Variants in ARFIP1 observed in about 807,000 individuals in gnomAD.
ARFIP1 encodes ARF interacting protein 1, also known as arfaptin-1.
ARFIP1 carries 24 observed loss-of-function variants against 42.5 expected under a neutral mutation model. That is an observed-to-expected ratio of 0.57 (90% CI 0.41 to 0.80). ARFIP1 has a LOEUF of 0.80. Among genes scored for constraint, ARFIP1 ranks in the 30% least tolerant of loss-of-function variants. The probability of loss-of-function intolerance (pLI) is 0.00; values close to 1 mark genes in which losing one functional copy is unlikely to be tolerated. For synonymous variants in ARFIP1, 141 were observed against 153.7 expected (o/e 0.92, Z 0.61); for missense variants, 354 against 434.0 (o/e 0.82, Z 1.64).
chr4:152,821,695 G>A (rs995656988), intron 1 of ARFIP1, among the ~76,000 whole-genome samples: 1 of 152,152 alleles, frequency 6.6e-6, no homozygotes, highest in African/African-American at 2.4e-5. Flanking sequence ...TAGTCATCAG[G>A]CTATCTAAAG....
intron 2 of ARFIP1, among the ~76,000 whole-genome samples, chr4:152,858,034 G>T (rs1034910069): frequency 3.3e-5 from 5 of 152,196 alleles, no homozygotes; most frequent in Non-Finnish European, 7.3e-5. Context: ...GGTCACACCT[G>T]CAATTCCGCC....
intron 1 of ARFIP1, among the ~76,000 whole-genome samples, chr4:152,819,885 G>T (rs1310919357): frequency 6.6e-6 from 1 of 152,098 alleles, no homozygotes; most frequent in Non-Finnish European, 1.5e-5. Context: ...CTCATTGCGG[G>T]TGCCTCTTTA....
At chr4:152,799,916 G>A (rs1397485872) in intron 1 of ARFIP1, among the ~76,000 whole-genome samples, 2 of 152,148 alleles carry the variant, frequency 1.3e-5, no homozygotes. Context: ...TGCTCAATAG[G>A]GAGTTAAGTC....
intron 3 of ARFIP1, among the ~76,000 whole-genome samples, chr4:152,868,489 A>G (rs1734598301): frequency 6.6e-6 from 1 of 152,192 alleles, no homozygotes; most frequent in East Asian, 1.9e-4. Flanking sequence ...AAAGATACAG[A>G]AAAGTGATAA....
At position 152,882,898 on chromosome 4, in the gene ARFIP1, A is replaced by G. The variant is rs750325399; in HGVS notation, c.791+18A>G. On this transcript the variant is annotated intron_variant, in intron 7 of 8. Transcript: ENST00000353617. Reference sequence around the variant, plus strand: ...AGTGCCAGGTAAGGTATACATTTTCACTGTGTTGTCTGTTTTACAGATGGC... The same window carrying G: ...AGTGCCAGGTAAGGTATACATTTTCGCTGTGTTGTCTGTTTTACAGATGGC... The G allele has an allele frequency of 6.3e-7, 1 of 1,594,060 alleles. No homozygotes were observed. Among genetic ancestry groups the G allele is most frequent in the Non-Finnish European group, 8.5e-7 (1 of 1,171,790 alleles).
chr4:152,801,552 T>C (rs1008993448), intron 1 of ARFIP1, among the ~76,000 whole-genome samples: 1 of 152,210 alleles, frequency 6.6e-6, no homozygotes, highest in Non-Finnish European at 1.5e-5. Context: ...TATTCATTCA[T>C]TTATAATAAT....
At chr4:152,907,738 A>G (rs1162287093) in intron 8 of ARFIP1, among the ~76,000 whole-genome samples, 3 of 152,182 alleles carry the variant, frequency 2.0e-5, no homozygotes, top group South Asian at 2.1e-4. Flanking sequence ...TTACTCCTAT[A>G]TAGTATCCCC....
intron 1 of ARFIP1, among the ~76,000 whole-genome samples, chr4:152,822,182 G>A (rs1730424894): frequency 6.6e-6 from 1 of 151,064 alleles, no homozygotes; most frequent in African/African-American, 2.4e-5. Context: ...AACACATAAG[G>A]ATTCTTACAG....
intron 1 of ARFIP1, among the ~76,000 whole-genome samples, chr4:152,795,000 G>A (rs1731349703): frequency 6.6e-6 from 1 of 152,082 alleles, no homozygotes; most frequent in Non-Finnish European, 1.5e-5. Context: ...GGTTCTGAGA[G>A]TCAGAATTAT....
chr4:152,863,723 C>T lies in ARFIP1; in HGVS notation c.202+9C>T, dbSNP rs567015324. 2.6e-6 allele frequency: 4 copies of T among 1,554,910 alleles called. No individual in the cohort carries two copies. The South Asian group carries it at 4.5e-5, about 18-fold the overall frequency. On this transcript the variant is annotated intron_variant, in intron 3 of 8. Coordinates refer to ENST00000353617, the MANE Select transcript of ARFIP1 (RefSeq NM_001025595.3). ...AGCAGGAGCATTTCAAGGTAAGAGC[C>T]CATATATTTGTAAAGATGGCTGGGA...
At chr4:152,892,660 G>A (rs12650788) in intron 8 of ARFIP1, among the ~76,000 whole-genome samples, 98,877 of 152,058 alleles carry the variant, frequency 0.65, 32,306 homozygotes, top group Admixed American at 0.72. Flanking sequence ...GGTAAGGTAT[G>A]TAAAATACTC....
chr4:152,880,900 G>A, intron 5 of ARFIP1, 63 bp from the exon 6 acceptor site: 1 of 1,335,096 alleles, frequency 7.5e-7, no homozygotes. Flanking sequence ...TATGCCATAT[G>A]CTCTAGCATT....
At chr4:152,793,326 TG>T (rs1358446325) in intron 1 of ARFIP1, among the ~76,000 whole-genome samples, 1 of 140,616 alleles carries the variant, frequency 7.1e-6, no homozygotes, top group Admixed American at 7.2e-5. Context: ...AAAAAAAAAA[TG>T]ATATATATAT....
chr4:152,888,483 A>G (rs906766880), intron 8 of ARFIP1, among the ~76,000 whole-genome samples, 176 bp downstream of exon 8: 1 of 152,168 alleles, frequency 6.6e-6, no homozygotes, highest in African/African-American at 2.4e-5. Context: ...TTTCTTTGAT[A>G]AAAGTTATCA....
chr4:152,817,990 T>G (rs906839261), intron 1 of ARFIP1, among the ~76,000 whole-genome samples: 1 of 152,218 alleles, frequency 6.6e-6, no homozygotes, highest in Non-Finnish European at 1.5e-5. Flanking sequence ...ATTGGAATCC[T>G]TGTGCACTGA....
intron 1 of ARFIP1, among the ~76,000 whole-genome samples, chr4:152,798,494 G>C (rs1731610936): frequency 6.6e-6 from 1 of 152,154 alleles, no homozygotes; most frequent in Admixed American, 6.5e-5. Flanking sequence ...GGAGAAAATT[G>C]TATGTTTCCT....
intron 2 of ARFIP1, among the ~76,000 whole-genome samples, chr4:152,830,517 T>C (rs570540345): frequency 1.3e-5 from 2 of 152,282 alleles, no homozygotes; most frequent in South Asian, 4.1e-4. Flanking sequence ...TTCGTATTTT[T>C]GAAAAAGTAG....
chr4:152,796,447 C>G, intron 1 of ARFIP1: 1 of 740,346 alleles, frequency 1.4e-6, no homozygotes, highest in Non-Finnish European at 2.5e-6. Context: ...TAACTTAATG[C>G]TTCTGTTTCT....
chr4:152,898,344 A>C (rs1434449725), intron 8 of ARFIP1, among the ~76,000 whole-genome samples: 1 of 152,068 alleles, frequency 6.6e-6, no homozygotes, highest in Non-Finnish European at 1.5e-5. Flanking sequence ...TTTCATGTTG[A>C]CCATAATTTC....
Sources: gnomAD v4.1 joint callset for allele counts (sites outside exome capture counted in the v4.1 genomes callset) on GRCh38, gnomAD v4.1.1 for gene constraint, MANE v1.5 for transcripts, NCBI Gene and HGNC (gene_info 2026-07-23, HGNC 2026-07-21) for gene names.